LNPK: variants seen among roughly 807,000 people sequenced by gnomAD.
LNPK encodes endoplasmic reticulum junction formation protein lunapark.
Under a neutral mutation model 55.2 loss-of-function variants are expected in LNPK, and 29 were observed. The ratio of observed to expected loss-of-function variants is 0.53; its 90% CI spans 0.39 to 0.72. The LOEUF is 0.72. LNPK is among the 30% of genes least tolerant of loss of function. LNPK has a pLI of 0.00. For synonymous variants in LNPK, 162 were observed against 168.2 expected (o/e 0.96, Z 0.29); for missense variants, 467 against 494.8 (o/e 0.94, Z 0.53).
chr2:175,938,412 A>G, intron 10 of LNPK, 29 bp from the exon 11 acceptor site: 1 of 1,328,300 alleles, frequency 7.5e-7, no homozygotes, highest in Non-Finnish European at 1.1e-6. Context: ...TGAACAGACC[A>G]GTTACAAATG....
Position 175,929,899 on chromosome 2 carries a change from A to C in LNPK, c.*68T>G. The C allele has an allele frequency of 6.3e-7, 1 of 1,589,120 alleles. No homozygotes were observed. The highest frequency in any genetic ancestry group is 8.6e-7 in the Non-Finnish European group (1 of 1,167,608). On this transcript the variant is annotated 3_prime_UTR_variant, in exon 13 of 13. Coordinates refer to ENST00000272748, the MANE Select transcript of LNPK (RefSeq NM_030650.3). ...TAGAGGGGCAAAAAAAGTAAGTGCC[A>C]CCGAAAAAGCAATAACTGACATCAG...
chr2:175,991,473 C>G (rs758542482), intron 4 of LNPK, among the ~76,000 whole-genome samples: 2 of 152,120 alleles, frequency 1.3e-5, no homozygotes, highest in African/African-American at 2.4e-5. Context: ...TGAAAATATG[C>G]CCTGCACTAA....
chr2:175,961,399 T>C (rs1297573993), intron 8 of LNPK, among the ~76,000 whole-genome samples: 3 of 152,218 alleles, frequency 2.0e-5, no homozygotes, highest in Non-Finnish European at 4.4e-5. Flanking sequence ...TGGTTCAACA[T>C]ATGCAAATCA....
At chr2:175,946,654 G>C (rs982368497) in intron 9 of LNPK, among the ~76,000 whole-genome samples, 1 of 151,974 alleles carries the variant, frequency 6.6e-6, no homozygotes, top group Admixed American at 6.6e-5. Flanking sequence ...CCTGATATCA[G>C]CTACTGCCTA....
chr2:175,980,004 G>T (rs1322378865), intron 4 of LNPK, 136 bp from the exon 5 acceptor site: 2 of 749,030 alleles, frequency 2.7e-6, no homozygotes, highest in Non-Finnish European at 4.0e-6. Flanking sequence ...ACTAAAAAGC[G>T]TTTATTTCTG....
intron 9 of LNPK, among the ~76,000 whole-genome samples, chr2:175,941,918 C>T (rs758454625): frequency 2.1e-5 from 3 of 142,260 alleles, no homozygotes; most frequent in East Asian, 2.0e-4. Context: ...TCAGAAAAGA[C>T]GCAAACCAGA....
At position 175,951,858 on chromosome 2, in the gene LNPK, T is replaced by C. The variant is rs189678751; in HGVS notation, c.494-4166A>G. On this transcript the variant is annotated intron_variant, in intron 8 of 12. Coordinates refer to ENST00000272748, the MANE Select transcript of LNPK (RefSeq NM_030650.3). ...CTAGTTTACATTCCCACCAGCAGTGTAGAAGTGTTCCCTGTTCACCACACC... is the reference window on the plus strand; with the variant it reads ...CTAGTTTACATTCCCACCAGCAGTGCAGAAGTGTTCCCTGTTCACCACACC... Among the ~76,000 whole-genome samples the C allele has an allele frequency of 3.9e-5, 6 of 152,124 alleles. No individual in the cohort carries two copies. In the East Asian group the frequency reaches 5.8e-4, roughly 15 times the overall value.
At chr2:175,952,442 A>AT (rs1392954243) in intron 8 of LNPK, among the ~76,000 whole-genome samples, 1 of 151,976 alleles carries the variant, frequency 6.6e-6, no homozygotes, top group Non-Finnish European at 1.5e-5. Flanking sequence ...TCAGTTCTGT[A>AT]TTTTTTAACT....
chr2:175,994,287 T>G (rs1178410364), intron 2 of LNPK: 1 of 981,286 alleles, frequency 1.0e-6, no homozygotes, highest in East Asian at 1.1e-4. Context: ...CAACCTATTA[T>G]GAAAGACAAA....
At chr2:176,002,423 G>T (rs1688208305), upstream of LNPK, 1 of 335,092 alleles carries the variant, frequency 3.0e-6, no homozygotes, top group East Asian at 1.0e-4. Flanking sequence ...TGTGTTTGTG[G>T]CCTCCGCAGC....
intron 8 of LNPK, 28 bp downstream of exon 8, chr2:175,964,344 C>T: frequency 1.3e-6 from 2 of 1,597,110 alleles, no homozygotes; most frequent in Non-Finnish European, 1.7e-6. Flanking sequence ...TTTCCAACAG[C>T]AGCAGCAGTT....
chr2:175,991,122 G>C (rs151301631), intron 4 of LNPK, among the ~76,000 whole-genome samples: 159 of 152,152 alleles, frequency 1.0e-3, no homozygotes, highest in African/African-American at 3.4e-3. Flanking sequence ...GTTACAACTA[G>C]ATACAAGTCT....
chr2:175,993,350 T>C, intron 2 of LNPK, 127 bp from the exon 3 acceptor site: 1 of 482,396 alleles, frequency 2.1e-6, no homozygotes, highest in Non-Finnish European at 3.7e-6. Context: ...TATGCATTCT[T>C]GTTTATAACT....
intron 12 of LNPK, chr2:175,931,939 A>G (rs1684299086): frequency 7.1e-6 from 2 of 281,100 alleles, no homozygotes; most frequent in South Asian, 7.3e-5. Flanking sequence ...GTTAAGCGTC[A>G]TGGTTTTCCA....
chr2:175,975,004 T>C (rs1317522084), intron 5 of LNPK, among the ~76,000 whole-genome samples: 4 of 127,908 alleles, frequency 3.1e-5, no homozygotes, highest in East Asian at 2.1e-4. Context: ...TTGAAAAAGG[T>C]TTCTTATTTT....
chr2:175,995,485 G>A (rs1352004001), intron 2 of LNPK, 73 bp downstream of exon 2: 3 of 1,170,272 alleles, frequency 2.6e-6, no homozygotes, highest in Admixed American at 4.3e-5. Flanking sequence ...AATCAAAGGA[G>A]ACTTTCACAA....
At chr2:175,932,573 C>T (rs1186507065) in intron 12 of LNPK, among the ~76,000 whole-genome samples, 1 of 152,124 alleles carries the variant, frequency 6.6e-6, no homozygotes, top group African/African-American at 2.4e-5. Flanking sequence ...TGGTATGTGA[C>T]ATGACATCTA....
Position 175,992,383 on chromosome 2 carries a change from A to AT in LNPK, c.104dup (p.Asn35LysfsTer34). On this transcript the variant is annotated frameshift_variant, in exon 4 of 13. Coordinates refer to ENST00000272748, the MANE Select transcript of LNPK (RefSeq NM_030650.3). LOFTEE classifies it high-confidence loss of function. ...CAACCCATAATTTTTGTAATCTCTG[A>AT]TTTTTTTCCCTAAATTCTTCCAATG... 14 of 1,510,348 alleles carry AT rather than the reference A, an allele frequency of 9.3e-6. No individual in the cohort carries two copies. Among genetic ancestry groups the AT allele is most frequent in the South Asian group, 5.5e-5 (4 of 72,424 alleles). 93.6% of individuals were successfully genotyped at this position (1,510,348 alleles called of 1,614,324 possible).
chr2:175,951,543 T>C (rs1559040154), intron 8 of LNPK, among the ~76,000 whole-genome samples: 1 of 145,310 alleles, frequency 6.9e-6, no homozygotes, highest in Non-Finnish European at 1.5e-5. Flanking sequence ...GTGAATGCTG[T>C]TAATTCATTC....
Sources: gnomAD v4.1 joint callset for allele counts (sites outside exome capture counted in the v4.1 genomes callset) on GRCh38, gnomAD v4.1.1 for gene constraint, MANE v1.5 for transcripts, NCBI Gene and HGNC (gene_info 2026-07-23, HGNC 2026-07-21) for gene names.